CTNNA3: variants seen among roughly 807,000 people sequenced by gnomAD.
The protein encoded by CTNNA3 is catenin alpha 3.
A neutral mutation model predicts 95.7 loss-of-function variants in CTNNA3; 76 were observed. That is an observed-to-expected ratio of 0.79 (90% confidence interval 0.66 to 0.96). The LOEUF (loss-of-function observed/expected upper bound fraction) is 0.96. Among genes scored for constraint, CTNNA3 ranks in the 40% least tolerant of loss-of-function variants. The pLI is 0.00. For synonymous variants in CTNNA3, 431 were observed against 374.4 expected (o/e 1.15, Z -1.74); for missense variants, 1,191 against 1,089.8 (o/e 1.09, Z -1.31).
At chr10:67,390,435 T>C (rs1844414797) in intron 5 of CTNNA3, among the ~76,000 whole-genome samples, 1 of 151,232 alleles carries the variant, frequency 6.6e-6, no homozygotes, top group South Asian at 2.1e-4. Flanking sequence ...CCAAAAAGAG[T>C]CCAGGACCAG....
intron 5 of CTNNA3, among the ~76,000 whole-genome samples, chr10:67,469,611 G>C (rs1392511241): frequency 6.6e-6 from 1 of 151,774 alleles, no homozygotes; most frequent in Non-Finnish European, 1.5e-5. Context: ...GCCTGTCGGG[G>C]GGTGGGGGGC....
intron 9 of CTNNA3, among the ~76,000 whole-genome samples, chr10:66,623,292 C>T (rs532116165): frequency 6.6e-6 from 1 of 152,148 alleles, no homozygotes; most frequent in African/African-American, 2.4e-5. Flanking sequence ...ATCATTGGCT[C>T]AATGTGGTCA....
At chr10:66,705,984 T>C (rs928796609) in intron 9 of CTNNA3, among the ~76,000 whole-genome samples, 9 of 152,102 alleles carry the variant, frequency 5.9e-5, no homozygotes, top group Admixed American at 4.6e-4. Context: ...ATACATCTTC[T>C]CAGTTAAATC....
intron 13 of CTNNA3, among the ~76,000 whole-genome samples, chr10:66,245,420 T>C (rs539768842): frequency 1.3e-5 from 2 of 152,306 alleles, no homozygotes; most frequent in African/African-American, 4.8e-5. Context: ...ACAAGGGACA[T>C]GTTTCAGCCC....
chr10:67,649,469 A>G (rs1478267756), intron 1 of CTNNA3, among the ~76,000 whole-genome samples: 1 of 152,236 alleles, frequency 6.6e-6, no homozygotes, highest in African/African-American at 2.4e-5. Flanking sequence ...TAGCCAAAGT[A>G]TCTTTTAAGT....
intron 2 of CTNNA3, among the ~76,000 whole-genome samples, chr10:67,643,725 T>C (rs966601484): frequency 6.6e-5 from 10 of 151,350 alleles, no homozygotes; most frequent in Non-Finnish European, 1.3e-4. Flanking sequence ...GATGTTCCCC[T>C]CCCTGTGTCC....
intron 7 of CTNNA3, among the ~76,000 whole-genome samples, chr10:67,122,570 T>C (rs1382065102): frequency 3.9e-5 from 6 of 152,138 alleles, no homozygotes; most frequent in African/African-American, 1.4e-4. Context: ...GTCTGTGGTG[T>C]GGATGAATCT....
intron 7 of CTNNA3, among the ~76,000 whole-genome samples, chr10:66,953,411 GTTTAT>G (rs1005927478): frequency 2.0e-5 from 3 of 152,202 alleles, no homozygotes; most frequent in East Asian, 1.9e-4. Context: ...AATCAAGGAG[GTTTAT>G]TTTAAGATTT....
chr10:66,392,649 G>A (rs12415185), intron 11 of CTNNA3, among the ~76,000 whole-genome samples: 24,564 of 151,924 alleles, frequency 0.16, 2,728 homozygotes, highest in East Asian at 0.45. Context: ...GGTCAACATT[G>A]TTTATCATCA....
rs147136686 is a variant in CTNNA3 at position 66,918,635 on chromosome 10, A to G, written c.1048-143111T>C. On this transcript the variant is annotated intron_variant, in intron 7 of 17. Coordinates refer to ENST00000433211, the MANE Select transcript of CTNNA3 (RefSeq NM_013266.4). ...GCATCCAACACATCAATGGCATTAC[A>G]AAATGAAAGAGACTTCAAATACATC... 5.4e-4 allele frequency among the ~76,000 whole-genome samples: 83 copies of G among 152,368 alleles called. 1 individual carries two copies. Among genetic ancestry groups the G allele is most frequent in the African/African-American group, 1.9e-3 (79 of 41,598 alleles).
intron 7 of CTNNA3, among the ~76,000 whole-genome samples, chr10:66,876,143 G>A (rs953347211): frequency 7.2e-5 from 11 of 152,220 alleles, no homozygotes; most frequent in African/African-American, 2.4e-4. Flanking sequence ...TATTTCTTCA[G>A]GGAAAGATCT....
intron 11 of CTNNA3, among the ~76,000 whole-genome samples, chr10:66,420,308 T>C (rs1030343894): frequency 2.0e-5 from 3 of 152,160 alleles, no homozygotes; most frequent in Non-Finnish European, 4.4e-5. Flanking sequence ...CTCAGGAATA[T>C]GCAAATCAAA....
At chr10:66,748,849 T>C (rs890867339) in intron 9 of CTNNA3, among the ~76,000 whole-genome samples, 2 of 151,870 alleles carry the variant, frequency 1.3e-5, no homozygotes, top group Non-Finnish European at 2.9e-5. Context: ...TGACACTTCA[T>C]TATCACCCAA....
At chr10:66,310,183 A>AT (rs891880732) in intron 12 of CTNNA3, among the ~76,000 whole-genome samples, 7 of 151,742 alleles carry the variant, frequency 4.6e-5, no homozygotes, top group Admixed American at 1.3e-4. Flanking sequence ...TAATTTTTAC[A>AT]TTTTTTTCTT....
intron 13 of CTNNA3, among the ~76,000 whole-genome samples, chr10:66,265,648 C>T (rs556828571): frequency 6.6e-6 from 1 of 152,112 alleles, no homozygotes; most frequent in East Asian, 1.9e-4. Context: ...TGCAATTACT[C>T]TTCTCTGCCT....
At chr10:65,950,407 T>C (rs1392895787) in intron 17 of CTNNA3, among the ~76,000 whole-genome samples, 1 of 152,192 alleles carries the variant, frequency 6.6e-6, no homozygotes, top group African/African-American at 2.4e-5. Flanking sequence ...ATTTTTTTTT[T>C]TGTCTTCTCT....
At chr10:66,507,613 G>A (rs1385215742) in intron 11 of CTNNA3, among the ~76,000 whole-genome samples, 4 of 151,776 alleles carry the variant, frequency 2.6e-5, no homozygotes, top group Non-Finnish European at 5.9e-5. Context: ...ATCTTTCCAC[G>A]TCTGACTTAT....
chr10:66,031,835 T>C (rs2079454331), intron 15 of CTNNA3, among the ~76,000 whole-genome samples: 1 of 152,202 alleles, frequency 6.6e-6, no homozygotes, highest in Non-Finnish European at 1.5e-5. Context: ...GCAAGACAGC[T>C]ACCAGGTCCT....
At chr10:65,932,205 T>G (rs745704322) in intron 17 of CTNNA3, among the ~76,000 whole-genome samples, 2 of 152,148 alleles carry the variant, frequency 1.3e-5, no homozygotes, top group Non-Finnish European at 1.5e-5. Context: ...ACATCTACCT[T>G]ATAGGGTTGT....
Sources: allele counts gnomAD v4.1 joint callset (sites outside exome capture counted in the v4.1 genomes callset), GRCh38; gene constraint gnomAD v4.1.1; transcripts MANE v1.5; gene names NCBI Gene and HGNC (gene_info 2026-07-23, HGNC 2026-07-21).